NALCN: variants seen among roughly 807,000 people sequenced by gnomAD.
NALCN encodes the protein sodium leak channel, non-selective.
Under a neutral mutation model 225.3 loss-of-function variants are expected in NALCN, and 111 were observed. The observed-to-expected ratio is 0.49, with a 90% CI of 0.42 to 0.58. The LOEUF is 0.58. Ranked by LOEUF, NALCN falls within the 20% of genes least tolerant of loss-of-function variation. NALCN has a pLI of 0.00. For missense variants in NALCN, 1,378 were observed against 2,202.4 expected, an observed-to-expected ratio of 0.63 and a Z score of 7.49; for synonymous variants, 764 against 769.0, an observed-to-expected ratio of 0.99 and a Z score of 0.11.
At chr13:101,241,392 G>A (rs1349028136) in intron 11 of NALCN, among the ~76,000 whole-genome samples, 1 of 152,100 alleles carries the variant, frequency 6.6e-6, no homozygotes, top group Non-Finnish European at 1.5e-5. Context: ...CCAACCCCAC[G>A]AGTGGGCAGG....
At chr13:101,220,441 G>A (rs950175013) in intron 13 of NALCN, among the ~76,000 whole-genome samples, 1 of 152,142 alleles carries the variant, frequency 6.6e-6, no homozygotes, top group Non-Finnish European at 1.5e-5. Flanking sequence ...TGCTTTATTT[G>A]ATTAGGGATG....
chr13:101,266,100 A>G (rs550135258), intron 10 of NALCN, among the ~76,000 whole-genome samples: 19 of 152,338 alleles, frequency 1.2e-4, no homozygotes, highest in African/African-American at 4.3e-4. Flanking sequence ...AATGAGTATG[A>G]TGACATCTAC....
At position 101,081,583 on chromosome 13, in the gene NALCN, C is replaced by T. The variant is rs956285320; in HGVS notation, c.3829G>A (p.Asp1277Asn). The part of the protein sequence containing the change: ...GFWQSRRNRY[D>N]LLVTSLGVVW... ...ACGCCAAGCGACGTCACCAGGAGAT[C>T]GTATCGGTTTCTTCTGCTTTGCCAG... The change falls in exon 34 of 44, where the codon GAT (aspartate) becomes AAT (asparagine). Residue 1277 changes from aspartate (D) to asparagine (N), a missense_variant. Asp to Asn is a conservative substitution (Grantham distance 23). Coordinates refer to ENST00000251127, the MANE Select transcript of NALCN (RefSeq NM_052867.4). 6.2e-7 allele frequency: 1 copy of T among 1,614,090 alleles called. No individual in the cohort carries two copies. Among genetic ancestry groups the T allele is most frequent in the Non-Finnish European group, 8.5e-7 (1 of 1,180,002 alleles).
intron 15 of NALCN, among the ~76,000 whole-genome samples, chr13:101,150,970 G>A (rs909053055): frequency 6.6e-6 from 1 of 152,162 alleles, no homozygotes; most frequent in East Asian, 1.9e-4. Flanking sequence ...GGCCTCAGCT[G>A]AGCATGAAGT....
intron 18 of NALCN, among the ~76,000 whole-genome samples, chr13:101,123,012 G>C (rs2036054765): frequency 6.6e-6 from 1 of 152,178 alleles, no homozygotes; most frequent in Non-Finnish European, 1.5e-5. Context: ...TTCCGGATGA[G>C]TGAGAGTTTC....
At chr13:101,198,792 T>C (rs1566419638) in intron 13 of NALCN, among the ~76,000 whole-genome samples, 1 of 152,196 alleles carries the variant, frequency 6.6e-6, no homozygotes, top group Non-Finnish European at 1.5e-5. Context: ...CATTACTGGG[T>C]ATATACTCAC....
intron 10 of NALCN, among the ~76,000 whole-genome samples, chr13:101,272,968 G>A (rs1301534969): frequency 6.6e-6 from 1 of 152,050 alleles, no homozygotes; most frequent in Non-Finnish European, 1.5e-5. Flanking sequence ...GAATAATTTC[G>A]CCACCGTTTG....
At chr13:101,228,196 A>G (rs2041219564) in intron 13 of NALCN, among the ~76,000 whole-genome samples, 1 of 152,236 alleles carries the variant, frequency 6.6e-6, no homozygotes, top group African/African-American at 2.4e-5. Flanking sequence ...GCATTATAAA[A>G]GGATGAATTC....
Position 101,108,459 on chromosome 13 carries a change from T to A in NALCN, c.2365-670A>T, listed in dbSNP as rs79941923. 3.3e-5 allele frequency among the ~76,000 whole-genome samples: 5 copies of A among 152,310 alleles called. No individual in the cohort carries two copies. In the East Asian group the frequency reaches 5.8e-4, roughly 18 times the overall value. Reference sequence around the variant, plus strand: ...GAGGATGCTTAGTGATCCGATTTTTTAAAAAATCACAATGGGTGAAAGGCA... The same window carrying A: ...GAGGATGCTTAGTGATCCGATTTTTAAAAAAATCACAATGGGTGAAAGGCA... On this transcript the variant is annotated intron_variant, in intron 20 of 43. Coordinates refer to ENST00000251127, the MANE Select transcript of NALCN (RefSeq NM_052867.4).
In NALCN at chr13:101,054,999, T is replaced by G; in HGVS notation, c.*296A>C. Reference sequence around the variant, plus strand: ...ATTAGAGCACATATGAATATATACCTTAGTTTACGCAGACAGAATATATGA... The same window carrying G: ...ATTAGAGCACATATGAATATATACCGTAGTTTACGCAGACAGAATATATGA... On this transcript the variant is annotated 3_prime_UTR_variant, in exon 44 of 44. Coordinates refer to ENST00000251127, the MANE Select transcript of NALCN (RefSeq NM_052867.4). 2.8e-6 allele frequency: 1 copy of G among 358,922 alleles called. No homozygotes were observed. Among genetic ancestry groups the G allele is most frequent in the Non-Finnish European group, 5.1e-6 (1 of 197,792 alleles). The allele number at this position is 358,922 out of a possible 1,614,324, so 22.2% of individuals were successfully genotyped here. A position where few individuals can be genotyped will look rare whatever the true frequency, so the allele number is the denominator to read the frequency against.
intron 18 of NALCN, among the ~76,000 whole-genome samples, chr13:101,119,112 T>G (rs964599543): frequency 2.6e-5 from 4 of 152,174 alleles, no homozygotes; most frequent in Non-Finnish European, 5.9e-5. Flanking sequence ...CTCGAATGAA[T>G]GCGTGAATTC....
rs140259967 is a variant in NALCN, at chr13:101,081,584, G to A, written c.3828C>T (p.Tyr1276=). 124 of 1,614,026 alleles carry A rather than the reference G, an allele frequency of 7.7e-5. No homozygotes were observed. The highest frequency in any genetic ancestry group is 3.0e-4 in the Admixed American group (18 of 59,998). Residue 1276 remains tyrosine, a synonymous_variant, in exon 34 of 44, where the codon TAC becomes TAT. Coordinates refer to ENST00000251127, the MANE Select transcript of NALCN (RefSeq NM_052867.4). ...CGCCAAGCGACGTCACCAGGAGATC[G>A]TATCGGTTTCTTCTGCTTTGCCAGA... ...AGFWQSRRNR[Y]DLLVTSLGVV... is the part of the protein sequence containing the mutation.
In NALCN at chr13:101,065,567, G is replaced by C; in HGVS notation, c.4447-6C>G. 6.2e-7 allele frequency: 1 copy of C among 1,613,402 alleles called. No individual in the cohort carries two copies. Among genetic ancestry groups the C allele is most frequent in the South Asian group, 1.1e-5 (1 of 91,052 alleles). ...CGGAACGTGGGGATCACCCCCTGCG[G>C]GGCAGAGCACAAGAAGTAGCAAATC... On this transcript the variant is annotated splice_region_variant and splice_polypyrimidine_tract_variant and intron_variant, in intron 39 of 43. Transcript: ENST00000251127.
intron 13 of NALCN, among the ~76,000 whole-genome samples, chr13:101,221,332 T>C (rs1048867783): frequency 7.2e-5 from 11 of 152,130 alleles, no homozygotes; most frequent in African/African-American, 2.4e-4. Context: ...TTGGCCAGGA[T>C]GGTCTCCATC....
At chr13:101,383,118 GT>G (rs1342863505) in intron 3 of NALCN, among the ~76,000 whole-genome samples, 1 of 152,012 alleles carries the variant, frequency 6.6e-6, no homozygotes, top group Non-Finnish European at 1.5e-5. Context: ...TTTTCATGCT[GT>G]CCATCTTCCC....
chr13:101,231,866 C>G (rs908107272), intron 12 of NALCN, among the ~76,000 whole-genome samples: 6 of 152,114 alleles, frequency 3.9e-5, no homozygotes, highest in Admixed American at 1.3e-4. Context: ...TCATTCCTAC[C>G]CCAGCCTTAG....
intron 14 of NALCN, among the ~76,000 whole-genome samples, chr13:101,183,771 T>A (rs903973052): frequency 6.6e-6 from 1 of 151,970 alleles, no homozygotes; most frequent in Non-Finnish European, 1.5e-5. Context: ...ATATTTCAAT[T>A]TATACTGCAG....
intron 1 of NALCN, among the ~76,000 whole-genome samples, chr13:101,416,024 G>T (rs375784403): frequency 6.6e-6 from 1 of 151,918 alleles, no homozygotes; most frequent in South Asian, 2.1e-4. Context: ...AGGCGCCCCC[G>T]ACACCCACGC....
chr13:101,341,254 T>C (rs1281340474), intron 7 of NALCN, among the ~76,000 whole-genome samples: 2 of 152,216 alleles, frequency 1.3e-5, no homozygotes, highest in Non-Finnish European at 2.9e-5. Context: ...GAAGATTTCA[T>C]GCAAAATATA....
Sources: allele counts gnomAD v4.1 joint callset (sites outside exome capture counted in the v4.1 genomes callset), GRCh38; gene constraint gnomAD v4.1.1; transcripts MANE v1.5; gene names NCBI Gene and HGNC (gene_info 2026-07-23, HGNC 2026-07-21).